The following CTNNA2 variants were observed in gnomAD, a reference collection of about 807,000 sequenced individuals.
CTNNA2 encodes catenin alpha-2.
Under a neutral mutation model 101.0 loss-of-function variants are expected in CTNNA2, and 42 were observed. That is an observed-to-expected ratio of 0.42 (90% confidence interval 0.32 to 0.54). The LOEUF (loss-of-function observed/expected upper bound fraction) is 0.54. CTNNA2 is among the 20% of genes least tolerant of loss of function. The probability of loss-of-function intolerance (pLI) is 0.14; values close to 1 mark genes in which losing one functional copy is unlikely to be tolerated. For missense variants in CTNNA2, 871 were observed against 1,223.1 expected (o/e 0.71, Z 4.29); for synonymous variants, 450 against 456.4 (o/e 0.99, Z 0.18).
chr2:79,293,891 G>C (rs1265070487), intron 2 of CTNNA2, among the ~76,000 whole-genome samples: 1 of 152,070 alleles, frequency 6.6e-6, no homozygotes, highest in African/African-American at 2.4e-5. Flanking sequence ...GGATAAGTCT[G>C]TCAATCTTTA....
At chr2:79,499,955 C>A (rs143569995) in intron 4 of CTNNA2, among the ~76,000 whole-genome samples, 131 of 152,308 alleles carry the variant, frequency 8.6e-4, no homozygotes, top group Non-Finnish European at 1.4e-3. Flanking sequence ...ACGGTACAGA[C>A]AAATTTTGAA....
rs539214656 is a variant in CTNNA2, at chr2:80,296,781, A to C, written c.1057-96430A>C. Among the ~76,000 whole-genome samples, 7 of 152,256 alleles carry C rather than the reference A, an allele frequency of 4.6e-5. No homozygotes were observed. In the South Asian group the frequency reaches 1.5e-3, roughly 32 times the overall value. ...GTCCTTTGCTTGTAGGATGTTTCAC[A>C]GTATCCAGACATCTACCTACTGGAT... On this transcript the variant is annotated intron_variant, in intron 7 of 18. Coordinates refer to ENST00000402739, the MANE Select transcript of CTNNA2 (RefSeq NM_001282597.3).
intron 7 of CTNNA2, among the ~76,000 whole-genome samples, chr2:80,202,622 T>C (rs7584483): frequency 0.21 from 32,191 of 151,986 alleles, 5,005 homozygotes; most frequent in African/African-American, 0.43. Context: ...TAAGGCACTT[T>C]GGAATGTCCA....
Sources: gnomAD v4.1 joint callset for allele counts (sites outside exome capture counted in the v4.1 genomes callset) on GRCh38, gnomAD v4.1.1 for gene constraint, MANE v1.5 for transcripts, NCBI Gene and HGNC (gene_info 2026-07-23, HGNC 2026-07-21) for gene names.